ART1: variants seen among roughly 807,000 people sequenced by gnomAD.
ART1 encodes the protein GPI-linked NAD(P)(+)--arginine ADP-ribosyltransferase 1.
Under a neutral mutation model 27.0 loss-of-function variants are expected in ART1, and 29 were observed. That is an observed-to-expected ratio of 1.08 (90% CI 0.80 to 1.47). ART1 has a LOEUF of 1.47. ART1 is among the 40% of genes most tolerant of loss of function. The pLI is 0.00. For synonymous variants in ART1, 201 were observed against 172.2 expected, an observed-to-expected ratio of 1.17 and a Z score of -1.31; for missense variants, 480 against 423.0, an observed-to-expected ratio of 1.13 and a Z score of -1.18.
chr11:3,659,212 G>C lies in ART1; in HGVS notation c.-2G>C. On this transcript the variant is annotated 5_prime_UTR_variant, in exon 2 of 5. Transcript: ENST00000250693. ...GACAGCAACTGGCCCAGGGTCACCAGCATGCAGATGCCTGCTATGATGTCT... is the reference window on the plus strand; with the variant it reads ...GACAGCAACTGGCCCAGGGTCACCACCATGCAGATGCCTGCTATGATGTCT... The C allele has an allele frequency of 3.7e-6, 6 of 1,614,160 alleles. No individual in the cohort carries two copies. The highest frequency in any genetic ancestry group is 5.1e-6 in the Non-Finnish European group (6 of 1,180,010).
chr11:3,651,824 C>T (rs1049741502), intron 1 of ART1, among the ~76,000 whole-genome samples: 6 of 151,514 alleles, frequency 4.0e-5, no homozygotes, highest in African/African-American at 1.2e-4. Context: ...CACCTGACCC[C>T]CATGACTGTA....
At chr11:3,653,283 A>C (rs1224588610) in intron 1 of ART1, among the ~76,000 whole-genome samples, 1 of 148,862 alleles carries the variant, frequency 6.7e-6, no homozygotes, top group African/African-American at 2.6e-5. Context: ...CTGCACATAC[A>C]CATCCAGATG....
chr11:3,658,786 A>G (rs191859733), intron 1 of ART1, among the ~76,000 whole-genome samples: 2 of 152,246 alleles, frequency 1.3e-5, no homozygotes, highest in East Asian at 3.9e-4. Context: ...TGACTGGCCC[A>G]TCTTCCCAAC....
At chr11:3,655,485 C>T (rs543787166) in intron 1 of ART1, 1 of 152,190 alleles carries the variant, frequency 6.6e-6, no homozygotes, top group Admixed American at 6.5e-5. Flanking sequence ...TTGGCCTGCC[C>T]TGTGCTCACA....
intron 1 of ART1, among the ~76,000 whole-genome samples, chr11:3,655,007 A>T (rs999996380): frequency 6.6e-6 from 1 of 152,232 alleles, no homozygotes; most frequent in South Asian, 2.1e-4. Context: ...GTGTGCCACA[A>T]AATCTCAGTG....
rs2077642103 is a variant in ART1, at chr11:3,664,027, G to C, written c.887-65G>C. On this transcript the variant is annotated intron_variant, in intron 4 of 4. Coordinates refer to ENST00000250693, the MANE Select transcript of ART1 (RefSeq NM_004314.3). The stretch of plus-strand genomic sequence containing the variant: ...TCTGCATGTCCCCACTTTTGCTCCT[G>C]TGCTCCTAAATACCTCTTTTTTTCT... 11 of 1,528,046 alleles carry C rather than the reference G, an allele frequency of 7.2e-6. No homozygotes were observed. In the Admixed American group the frequency reaches 1.5e-4, roughly 21 times the overall value. 94.7% of individuals were successfully genotyped at this position (1,528,046 alleles called of 1,614,324 possible).
At chr11:3,655,868 A>G (rs1189564398) in intron 1 of ART1, among the ~76,000 whole-genome samples, 1 of 150,996 alleles carries the variant, frequency 6.6e-6, no homozygotes, top group Non-Finnish European at 1.5e-5. Flanking sequence ...GTGAGGAACT[A>G]GTAACAGCAG....
At position 3,659,785 on chromosome 11, in the gene ART1, G is replaced by A. The variant is rs148175350; in HGVS notation, c.266G>A (p.Arg89His). 157 of 1,613,272 alleles carry A rather than the reference G, an allele frequency of 9.7e-5. 1 individual carries two copies. The Middle Eastern group carries it at 9.9e-4, about 10-fold the overall frequency. ...CTGGCAAGCAGCCAATGGCAGGAGC[G>A]TCAGGCCAGGTGGCCAGAGTGGAGT... ...WTLASSQWQE[R>H]QARWPEWSLS... Residue 89 changes from arginine (R) to histidine (H), a missense_variant, in exon 3 of 5, where the codon CGT (arginine) becomes CAT (histidine). Coordinates refer to ENST00000250693, the MANE Select transcript of ART1 (RefSeq NM_004314.3).
At chr11:3,656,704 C>T (rs555827011) in intron 1 of ART1, among the ~76,000 whole-genome samples, 3 of 152,056 alleles carry the variant, frequency 2.0e-5, no homozygotes, top group Non-Finnish European at 2.9e-5. Context: ...GTTGCCCAGG[C>T]TCGTTTCAAA....
chr11:3,661,357 G>A lies in ART1; in HGVS notation c.845-15G>A, dbSNP rs2077618529. The A allele has an allele frequency of 6.2e-7, 1 of 1,610,176 alleles. No individual in the cohort carries two copies. The highest frequency in any genetic ancestry group is 8.5e-7 in the Non-Finnish European group (1 of 1,178,894). On this transcript the variant is annotated splice_polypyrimidine_tract_variant and intron_variant, in intron 3 of 4. Coordinates refer to ENST00000250693, the MANE Select transcript of ART1 (RefSeq NM_004314.3). Reference sequence around the variant, plus strand: ...GCTCCTGAGCCTTTCATTCTTTACTGTTTCTTTTCTATAGACAAGAAGTGC... The same window carrying A: ...GCTCCTGAGCCTTTCATTCTTTACTATTTCTTTTCTATAGACAAGAAGTGC...
At chr11:3,658,308 G>C (rs562779576) in intron 1 of ART1, among the ~76,000 whole-genome samples, 1 of 150,552 alleles carries the variant, frequency 6.6e-6, no homozygotes, top group Non-Finnish European at 1.5e-5. Flanking sequence ...ACTCCAGCCT[G>C]GGCAACAGAG....
chr11:3,648,290 C>T (rs2077486466), intron 1 of ART1, among the ~76,000 whole-genome samples: 1 of 152,186 alleles, frequency 6.6e-6, no homozygotes, highest in African/African-American at 2.4e-5. Context: ...GTGGTGTCTT[C>T]ACACGGACGC....
chr11:3,646,839 T>C (rs1589914848), intron 1 of ART1, among the ~76,000 whole-genome samples: 3 of 152,276 alleles, frequency 2.0e-5, no homozygotes, highest in African/African-American at 7.2e-5. Context: ...TCAATACATT[T>C]TTACTGAGCA....
chr11:3,647,539 T>G (rs1186034859), intron 1 of ART1, among the ~76,000 whole-genome samples: 1 of 139,550 alleles, frequency 7.2e-6, no homozygotes, highest in East Asian at 2.2e-4. Context: ...GAAGTTGAGG[T>G]GGGAGAATCA....
At chr11:3,659,461 T>C in intron 2 of ART1, 122 bp from the exon 3 acceptor site, 5 of 1,367,570 alleles carry the variant, frequency 3.7e-6, no homozygotes, top group Non-Finnish European at 4.9e-6. Flanking sequence ...CCCAATCCCC[T>C]TCCCCACCAG....
intron 1 of ART1, among the ~76,000 whole-genome samples, chr11:3,650,116 A>T (rs1009823549): frequency 2.0e-5 from 3 of 152,158 alleles, no homozygotes; most frequent in African/African-American, 7.2e-5. Context: ...TGAGACAAAC[A>T]CCAGCCACAT....
At position 3,648,849 on chromosome 11, in the gene ART1, C is replaced by T. The variant is rs573996191; in HGVS notation, c.-53+3670C>T. ...CTTCTCTGCTTTTCTGGGGGAGGGG[C>T]AAAAACTCCTCAACCCCTTCTCCTT... On this transcript the variant is annotated intron_variant, in intron 1 of 4. Coordinates refer to ENST00000250693, the MANE Select transcript of ART1 (RefSeq NM_004314.3). Among the ~76,000 whole-genome samples the T allele has an allele frequency of 6.3e-4, 95 of 151,498 alleles. 1 individual carries two copies. The highest frequency in any genetic ancestry group is 2.3e-3 in the African/African-American group (94 of 41,242).
chr11:3,660,211 G>C lies in ART1; in HGVS notation c.692G>C (p.Gly231Ala). The change falls in exon 3 of 5, where the codon GGC (glycine) becomes GCC (alanine). Residue 231 changes from glycine (G) to alanine (A), a missense_variant. By Grantham distance (60) the Gly-to-Ala change is moderately conservative. Coordinates refer to ENST00000250693, the MANE Select transcript of ART1 (RefSeq NM_004314.3). ...IWTCLGAPIKGYSFFPGEEEV... is the reference protein window; with the variant it reads ...IWTCLGAPIKAYSFFPGEEEV... Reference sequence around the variant, plus strand: ...ACCTGCCTTGGGGCCCCTATCAAGGGCTACTCCTTCTTCCCTGGAGAGGAA... The same window carrying C: ...ACCTGCCTTGGGGCCCCTATCAAGGCCTACTCCTTCTTCCCTGGAGAGGAA... 2.5e-6 allele frequency: 4 copies of C among 1,614,076 alleles called. No homozygotes were observed. Among genetic ancestry groups the C allele is most frequent in the Non-Finnish European group, 3.4e-6 (4 of 1,180,052 alleles).
intron 1 of ART1, among the ~76,000 whole-genome samples, chr11:3,651,355 A>G (rs2077520545): frequency 1.3e-5 from 2 of 150,792 alleles, no homozygotes. Flanking sequence ...TTTCATCCTC[A>G]TCTGTTACCT....
Sources: allele counts gnomAD v4.1 joint callset (sites outside exome capture counted in the v4.1 genomes callset), GRCh38; gene constraint gnomAD v4.1.1; transcripts MANE v1.5; gene names NCBI Gene and HGNC (gene_info 2026-07-23, HGNC 2026-07-21).